The following FOXJ3 variants were observed in gnomAD, a reference collection of about 807,000 sequenced individuals.
FOXJ3 encodes the protein forkhead box J3.
A neutral mutation model predicts 76.1 loss-of-function variants in FOXJ3; 22 were observed. The observed-to-expected ratio is 0.29, with a 90% CI of 0.21 to 0.41. The LOEUF is 0.41. Ranked by LOEUF, FOXJ3 falls within the 10% of genes least tolerant of loss-of-function variation. FOXJ3 has a pLI of 1.00. For synonymous variants in FOXJ3, 269 were observed against 261.2 expected (o/e 1.03, Z -0.29); for missense variants, 613 against 762.1 (o/e 0.80, Z 2.30).
intron 4 of FOXJ3, among the ~76,000 whole-genome samples, chr1:42,263,746 G>A (rs1453541106): frequency 6.6e-6 from 1 of 151,938 alleles, no homozygotes; most frequent in East Asian, 1.9e-4. Flanking sequence ...CAGTCTAACA[G>A]AGGATACAGT....
chr1:42,219,249 TC>T (rs1209924153), intron 5 of FOXJ3, among the ~76,000 whole-genome samples: 1 of 152,244 alleles, frequency 6.6e-6, no homozygotes, highest in Non-Finnish European at 1.5e-5. Context: ...GGGACATGAA[TC>T]ATCCCTTGTC....
chr1:42,262,566 T>C (rs1276031824), intron 4 of FOXJ3, among the ~76,000 whole-genome samples: 1 of 152,302 alleles, frequency 6.6e-6, no homozygotes, highest in Admixed American at 6.5e-5. Flanking sequence ...CCTCGCTTTG[T>C]GGCCAGGTGC....
chr1:42,294,515 T>G (rs1653651314), intron 2 of FOXJ3, among the ~76,000 whole-genome samples: 1 of 152,040 alleles, frequency 6.6e-6, no homozygotes, highest in Non-Finnish European at 1.5e-5. Context: ...TCCCAGTACT[T>G]TGGGAAGCCG....
chr1:42,185,507 G>C lies in FOXJ3; in HGVS notation c.1645+3230C>G, dbSNP rs922858583. Among the ~76,000 whole-genome samples, 6 of 151,782 alleles carry C rather than the reference G, an allele frequency of 4.0e-5. No homozygotes were observed. In the South Asian group the frequency reaches 1.0e-3, roughly 26 times the overall value. On this transcript the variant is annotated intron_variant, in intron 11 of 12. Transcript: ENST00000361346. ...GATCTCCTGACCTCATGATCCGCCTGCCTCGGTCTCCCAAAGTGAACATAC... is the reference window on the plus strand; with the variant it reads ...GATCTCCTGACCTCATGATCCGCCTCCCTCGGTCTCCCAAAGTGAACATAC...
At chr1:42,293,279 T>TAA (rs1479346366) in intron 2 of FOXJ3, among the ~76,000 whole-genome samples, 1 of 98,202 alleles carries the variant, frequency 1.0e-5, no homozygotes. Flanking sequence ...TTTCTTGCTC[T>TAA]AACAAAAAAA....
At position 42,334,275 on chromosome 1, in the gene FOXJ3, C is replaced by T. The variant is rs1656330180; in HGVS notation, c.-18+784G>A. ...CCCTACTGGCCTCAATTTCAGAGTA[C>T]AACTCTCGATTCTTCATCTAACCAA... On this transcript the variant is annotated intron_variant, in intron 1 of 12. Coordinates refer to ENST00000361346, the MANE Select transcript of FOXJ3 (RefSeq NM_014947.5). 3 of 195,126 alleles carry T rather than the reference C, an allele frequency of 1.5e-5. No homozygotes were observed. The Admixed American group carries it at 2.0e-4, about 13-fold the overall frequency. The allele number at this position is 195,126 out of a possible 1,614,324, so 12.1% of individuals were successfully genotyped here. A position where few individuals can be genotyped will look rare whatever the true frequency, so the allele number is the denominator to read the frequency against.
At chr1:42,237,389 TATAC>T (rs1302195489) in intron 4 of FOXJ3, among the ~76,000 whole-genome samples, 6 of 117,218 alleles carry the variant, frequency 5.1e-5, no homozygotes, top group South Asian at 5.7e-4. Flanking sequence ...AATATATATA[TATAC>T]ATACATACAT....
At chr1:42,278,847 A>T (rs114702038) in intron 2 of FOXJ3, among the ~76,000 whole-genome samples, 175 bp from the exon 3 acceptor site, 6 of 152,232 alleles carry the variant, frequency 3.9e-5, no homozygotes, top group African/African-American at 1.2e-4. Flanking sequence ...CAACATTCCA[A>T]TCTTTTTTCT....
chr1:42,251,919 G>A (rs1386954723), intron 4 of FOXJ3, among the ~76,000 whole-genome samples: 68 of 151,804 alleles, frequency 4.5e-4, no homozygotes, highest in African/African-American at 1.4e-3. Flanking sequence ...GGGTTTCACC[G>A]TGTTAGCCAG....
intron 4 of FOXJ3, among the ~76,000 whole-genome samples, chr1:42,243,195 C>T (rs1344552974): frequency 1.3e-5 from 2 of 152,058 alleles, no homozygotes; most frequent in Non-Finnish European, 2.9e-5. Flanking sequence ...AGTCCTACAT[C>T]CATGAGCAAA....
intron 4 of FOXJ3, among the ~76,000 whole-genome samples, chr1:42,235,414 A>G (rs1479761044): frequency 6.6e-6 from 1 of 152,036 alleles, no homozygotes. Flanking sequence ...ACTGTCCTGC[A>G]CCCACTTTCT....
intron 5 of FOXJ3, among the ~76,000 whole-genome samples, chr1:42,207,761 G>A (rs910785250): frequency 1.3e-5 from 2 of 152,142 alleles, no homozygotes; most frequent in African/African-American, 2.4e-5. Context: ...CCTTCGGGCA[G>A]AGAATAGGGA....
rs747531207 is a variant in FOXJ3, at chr1:42,181,891, ACACTCACT to A, written c.1753+18_1753+25del. 167 of 1,341,702 alleles carry A rather than the reference ACACTCACT, an allele frequency of 1.2e-4. No individual in the cohort carries two copies. The African/African-American group carries it at 1.9e-3, about 15-fold the overall frequency. The allele number at this position is 1,341,702 out of a possible 1,614,324, so 83.1% of individuals were successfully genotyped here. On this transcript the variant is annotated intron_variant, in intron 12 of 12. Transcript: ENST00000361346. ...CACACACACACACACACACACACAC[ACACTCACT>A]CTCTCTCTCTCTCTTACCTGCCATC...
At chr1:42,267,016 G>A (rs546332024) in intron 3 of FOXJ3, among the ~76,000 whole-genome samples, 2 of 152,096 alleles carry the variant, frequency 1.3e-5, no homozygotes, top group South Asian at 4.2e-4. Flanking sequence ...TTGGGCCCAG[G>A]ATCCTATACA....
chr1:42,319,539 T>C (rs1655315400), intron 1 of FOXJ3, among the ~76,000 whole-genome samples: 1 of 152,180 alleles, frequency 6.6e-6, no homozygotes, highest in African/African-American at 2.4e-5. Context: ...CTATTAGGTA[T>C]GGAGTTTCTT....
intron 2 of FOXJ3, among the ~76,000 whole-genome samples, chr1:42,309,544 A>C (rs1251157481): frequency 6.6e-6 from 1 of 152,156 alleles, no homozygotes; most frequent in Non-Finnish European, 1.5e-5. Context: ...ACAAATACTT[A>C]TACTATTTTG....
chr1:42,327,272 T>A (rs1235321162), intron 1 of FOXJ3, among the ~76,000 whole-genome samples: 2 of 152,078 alleles, frequency 1.3e-5, no homozygotes, highest in Admixed American at 6.6e-5. Context: ...AAGTAAGGTG[T>A]CATAGACTCA....
intron 1 of FOXJ3, among the ~76,000 whole-genome samples, chr1:42,318,172 C>G (rs561000009): frequency 6.6e-6 from 1 of 152,196 alleles, no homozygotes; most frequent in African/African-American, 2.4e-5. Flanking sequence ...GTTAGAAGAC[C>G]AAGTTAGGTA....
chr1:42,222,932 A>G (rs1428893246), intron 5 of FOXJ3, among the ~76,000 whole-genome samples: 1 of 152,256 alleles, frequency 6.6e-6, no homozygotes, highest in Non-Finnish European at 1.5e-5. Flanking sequence ...AAGCTAAGCC[A>G]CATAACCTAT....
Sources: allele counts gnomAD v4.1 joint callset (sites outside exome capture counted in the v4.1 genomes callset), GRCh38; gene constraint gnomAD v4.1.1; transcripts MANE v1.5; gene names NCBI Gene and HGNC (gene_info 2026-07-23, HGNC 2026-07-21).